The following FUT8 variants were observed in gnomAD, a reference collection of about 807,000 sequenced individuals.
FUT8 encodes the protein alpha-(1,6)-fucosyltransferase.
A neutral mutation model predicts 71.3 loss-of-function variants in FUT8; 29 were observed. The observed-to-expected ratio is 0.41, with a 90% CI of 0.30 to 0.55. The LOEUF is 0.55. Ranked by LOEUF, FUT8 falls within the 20% of genes least tolerant of loss-of-function variation. The pLI is 0.34. For missense variants in FUT8, 544 were observed against 702.1 expected (o/e 0.77, Z 2.55); for synonymous variants, 254 against 239.3 (o/e 1.06, Z -0.57).
chr14:65,679,695 G>C (rs1438066820), intron 7 of FUT8, among the ~76,000 whole-genome samples: 1 of 152,072 alleles, frequency 6.6e-6, no homozygotes, highest in Non-Finnish European at 1.5e-5. Flanking sequence ...CTAGGGCAGT[G>C]CTTACAAACT....
At chr14:65,700,785 TAAGCTTTG>T (rs1008207543) in intron 7 of FUT8, among the ~76,000 whole-genome samples, 2 of 152,216 alleles carry the variant, frequency 1.3e-5, no homozygotes, top group African/African-American at 4.8e-5. Context: ...TGGATTTTTG[TAAGCTTTG>T]AACATACTGC....
the FUT8 span, among the ~76,000 whole-genome samples, chr14:65,387,326 TATCGC>T: frequency 6.6e-6 from 1 of 152,178 alleles, no homozygotes; most frequent in Non-Finnish European, 1.5e-5. Flanking sequence ...ATGCTCCACA[TATCGC>T]CAAGTTTTTC....
At chr14:65,363,503 C>T in the FUT8 span, among the ~76,000 whole-genome samples, 34 of 152,210 alleles carry the variant, frequency 2.2e-4, no homozygotes, top group East Asian at 9.7e-4. Flanking sequence ...GTGATCTGTC[C>T]GCCTCGGTTT....
the FUT8 span, among the ~76,000 whole-genome samples, chr14:65,379,916 G>T: frequency 6.6e-6 from 1 of 152,158 alleles, no homozygotes; most frequent in African/African-American, 2.4e-5. Context: ...GGCAAAAAGG[G>T]CCTTAGCTAG....
At chr14:65,723,699 G>C (rs1895544400) in intron 8 of FUT8, among the ~76,000 whole-genome samples, 1 of 152,154 alleles carries the variant, frequency 6.6e-6, no homozygotes, top group Non-Finnish European at 1.5e-5. Context: ...GTAAAATAAA[G>C]AGGAAAACCC....
chr14:65,428,761 A>T (rs1407859624), intron 1 of FUT8, among the ~76,000 whole-genome samples: 1 of 152,214 alleles, frequency 6.6e-6, no homozygotes, highest in African/African-American at 2.4e-5. Flanking sequence ...TAATTCTGTG[A>T]GGTAGAGCTT....
At chr14:65,363,903 T>C in the FUT8 span, among the ~76,000 whole-genome samples, 1 of 152,236 alleles carries the variant, frequency 6.6e-6, no homozygotes, top group Non-Finnish European at 1.5e-5. Flanking sequence ...TGTTAACCTG[T>C]CTTTTGTTAC....
chr14:65,475,026 G>C (rs550267876), intron 2 of FUT8, among the ~76,000 whole-genome samples: 1 of 152,266 alleles, frequency 6.6e-6, no homozygotes, highest in African/African-American at 2.4e-5. Flanking sequence ...AATATCACTT[G>C]AGAATATCTA....
At chr14:65,734,629 C>T (rs1390197019) in intron 10 of FUT8, among the ~76,000 whole-genome samples, 3 of 152,136 alleles carry the variant, frequency 2.0e-5, no homozygotes, top group Non-Finnish European at 2.9e-5. Flanking sequence ...AAGAAAGGGG[C>T]AAGGTTTATA....
At chr14:65,690,966 T>C (rs1347787799) in intron 7 of FUT8, among the ~76,000 whole-genome samples, 1 of 144,958 alleles carries the variant, frequency 6.9e-6, no homozygotes, top group Admixed American at 6.6e-5. Context: ...CCTCAGGTGA[T>C]CTACCTGCCT....
Position 65,603,941 on chromosome 14 carries a change from G to A in FUT8, c.204-12037G>A, listed in dbSNP as rs1045690514. ...TTTCATGCAAATGGACACCCAAAGC[G>A]AGCAGGAGTAGCTATTCTTACATCA... On this transcript the variant is annotated intron_variant, in intron 3 of 10. Transcript: ENST00000673929. The surrounding 1 kb of genome is among the most constrained non-coding windows in gnomAD (Gnocchi z 4.5). 1.3e-5 allele frequency among the ~76,000 whole-genome samples: 2 copies of A among 151,688 alleles called. No homozygotes were observed. Among genetic ancestry groups the A allele is most frequent in the African/African-American group, 4.8e-5 (2 of 41,348 alleles).
At chr14:65,415,170 A>C (rs1195196573) in intron 1 of FUT8, among the ~76,000 whole-genome samples, 1 of 152,198 alleles carries the variant, frequency 6.6e-6, no homozygotes, top group Non-Finnish European at 1.5e-5. Context: ...ATATTAGTAC[A>C]TTGGTCTGGA....
At chr14:65,520,276 T>G (rs1467810248) in intron 2 of FUT8, among the ~76,000 whole-genome samples, 1 of 152,174 alleles carries the variant, frequency 6.6e-6, no homozygotes, top group East Asian at 1.9e-4. Context: ...TTTGTATACT[T>G]ATAAATTTAA....
chr14:65,670,891 C>T (rs1009003873), intron 7 of FUT8, among the ~76,000 whole-genome samples: 2 of 152,032 alleles, frequency 1.3e-5, no homozygotes, highest in Admixed American at 1.3e-4. Context: ...ATATATCACC[C>T]GATTTTTTAT....
the FUT8 span, among the ~76,000 whole-genome samples, chr14:65,381,346 A>G: frequency 1.3e-5 from 2 of 152,246 alleles, no homozygotes; most frequent in South Asian, 4.1e-4. Context: ...AACAAATTGC[A>G]GGCCAGGCTT....
rs1194597991 is a variant in FUT8, at chr14:65,415,718, TA to T, written c.-326+2511del. 3.4e-5 allele frequency among the ~76,000 whole-genome samples: 5 copies of T among 147,574 alleles called. No homozygotes were observed. In the South Asian group the frequency reaches 1.1e-3, roughly 31 times the overall value. ...TTTTTTAAAGTAGAGATAATTCCAATAAAAAAATGGACCTTTTAGACATCTG... is the reference window on the plus strand; with the variant it reads ...TTTTTTAAAGTAGAGATAATTCCAATAAAAAATGGACCTTTTAGACATCTG... On this transcript the variant is annotated intron_variant, in intron 1 of 10. Coordinates refer to ENST00000673929, the MANE Select transcript of FUT8 (RefSeq NM_001371533.1).
intron 7 of FUT8, among the ~76,000 whole-genome samples, chr14:65,712,162 A>C (rs1418455769): frequency 6.6e-6 from 1 of 152,136 alleles, no homozygotes; most frequent in Non-Finnish European, 1.5e-5. Flanking sequence ...TATGGTAGTG[A>C]AATATTTCTG....
chr14:65,609,584 C>G (rs999643342), intron 3 of FUT8, among the ~76,000 whole-genome samples: 2 of 151,844 alleles, frequency 1.3e-5, no homozygotes, highest in Non-Finnish European at 2.9e-5. Context: ...TTCCCGGACT[C>G]TTTTCTGTTT....
intron 9 of FUT8, among the ~76,000 whole-genome samples, chr14:65,729,199 A>G (rs1189665324): frequency 1.3e-5 from 2 of 151,464 alleles, no homozygotes; most frequent in African/African-American, 2.4e-5. Context: ...CTAATTTTTT[A>G]TGGTAGAGAC....
Sources: allele counts gnomAD v4.1 joint callset (sites outside exome capture counted in the v4.1 genomes callset), GRCh38; gene constraint gnomAD v4.1.1; non-coding constraint Gnocchi (gnomAD v3.1); transcripts MANE v1.5; gene names NCBI Gene and HGNC (gene_info 2026-07-23, HGNC 2026-07-21).